Variants in SUGCT observed in about 807,000 individuals in gnomAD.
The protein encoded by SUGCT is succinyl-CoA:glutarate-CoA transferase.
SUGCT carries 41 observed loss-of-function variants against 55.0 expected under a neutral mutation model. That is an observed-to-expected ratio of 0.74 (90% confidence interval 0.58 to 0.97). The LOEUF is 0.97. Among genes scored for constraint, SUGCT ranks in the 50% least tolerant of loss-of-function variants. The pLI is 0.00. For synonymous variants in SUGCT, 187 were observed against 200.4 expected (o/e 0.93, Z 0.56); for missense variants, 568 against 547.8 (o/e 1.04, Z -0.37).
intron 9 of SUGCT, among the ~76,000 whole-genome samples, chr7:40,414,415 G>T (rs1786856517): frequency 6.6e-6 from 1 of 152,090 alleles, no homozygotes; most frequent in Non-Finnish European, 1.5e-5. Context: ...TATATATAGG[G>T]CTCAGTGCTG....
At chr7:40,416,810 T>A (rs150291618) in intron 9 of SUGCT, among the ~76,000 whole-genome samples, 1 of 152,128 alleles carries the variant, frequency 6.6e-6, no homozygotes, top group East Asian at 1.9e-4. Flanking sequence ...TTAACTATAG[T>A]CTGGAATAAT....
At chr7:40,907,104 TGTGTGTG>T in the SUGCT span, among the ~76,000 whole-genome samples, 532 of 113,582 alleles carry the variant, frequency 4.7e-3, no homozygotes, top group African/African-American at 8.3e-3. Context: ...ATAGTGTGTG[TGTGTGTG>T]TGTGTGTGTG....
chr7:40,803,423 T>C (rs1790923137), intron 13 of SUGCT, among the ~76,000 whole-genome samples: 1 of 152,188 alleles, frequency 6.6e-6, no homozygotes, highest in South Asian at 2.1e-4. Context: ...CCTAAAATCA[T>C]GTGAGCATGT....
chr7:40,570,126 G>A (rs955486355), intron 12 of SUGCT, among the ~76,000 whole-genome samples: 2 of 152,152 alleles, frequency 1.3e-5, no homozygotes, highest in East Asian at 3.8e-4. Flanking sequence ...AACTTTTTTA[G>A]TTACCTGAAG....
the SUGCT span, among the ~76,000 whole-genome samples, chr7:41,010,764 C>T: frequency 6.6e-6 from 1 of 151,956 alleles, no homozygotes; most frequent in Non-Finnish European, 1.5e-5. Context: ...CCATTTTGGA[C>T]CCATTAAATA....
At chr7:41,028,349 A>C in the SUGCT span, among the ~76,000 whole-genome samples, 1 of 152,244 alleles carries the variant, frequency 6.6e-6, no homozygotes, top group African/African-American at 2.4e-5. Context: ...TCTAACACTA[A>C]ATAATCCCTG....
intron 6 of SUGCT, among the ~76,000 whole-genome samples, chr7:40,234,288 T>C (rs1788886899): frequency 6.6e-6 from 1 of 152,186 alleles, no homozygotes. Flanking sequence ...TTCCTGCCGA[T>C]GGTGGCAGCT....
chr7:40,417,345 A>G (rs1180341645), intron 9 of SUGCT, among the ~76,000 whole-genome samples: 1 of 151,752 alleles, frequency 6.6e-6, no homozygotes, highest in Non-Finnish European at 1.5e-5. Context: ...CAGGGCATAC[A>G]TTTTTCTATA....
intron 6 of SUGCT, among the ~76,000 whole-genome samples, chr7:40,205,210 G>A (rs2150776366): frequency 6.6e-6 from 1 of 152,080 alleles, no homozygotes; most frequent in African/African-American, 2.4e-5. Flanking sequence ...AGCCGAGATT[G>A]CACCACTGCA....
chr7:40,279,766 A>G (rs1156498609), intron 8 of SUGCT, among the ~76,000 whole-genome samples: 1 of 152,156 alleles, frequency 6.6e-6, no homozygotes, highest in Non-Finnish European at 1.5e-5. Context: ...CCACAACATG[A>G]TTAAAACCTG....
chr7:40,984,774 TTTTG>T, the SUGCT span, among the ~76,000 whole-genome samples: 1 of 152,192 alleles, frequency 6.6e-6, no homozygotes, highest in African/African-American at 2.4e-5. Context: ...TGATGCTGTT[TTTTG>T]TTTGTTTGTT....
intron 7 of SUGCT, among the ~76,000 whole-genome samples, chr7:40,264,729 T>C (rs565907596): frequency 6.6e-6 from 1 of 152,302 alleles, no homozygotes; most frequent in Admixed American, 6.5e-5. Flanking sequence ...TTTATTTCAT[T>C]TTTTACTCTC....
chr7:40,620,977 A>G (rs1799238976), intron 12 of SUGCT, among the ~76,000 whole-genome samples: 3 of 152,196 alleles, frequency 2.0e-5, no homozygotes, highest in African/African-American at 7.2e-5. Flanking sequence ...GCAAACCACC[A>G]TGATAAACAG....
intron 13 of SUGCT, among the ~76,000 whole-genome samples, chr7:40,777,715 T>A (rs1368931505): frequency 6.6e-6 from 1 of 151,956 alleles, no homozygotes; most frequent in East Asian, 1.9e-4. Flanking sequence ...AATCTTTCCT[T>A]TGGGGGCCTT....
intron 12 of SUGCT, among the ~76,000 whole-genome samples, chr7:40,733,777 G>C: frequency 6.6e-6 from 1 of 152,152 alleles, no homozygotes; most frequent in South Asian, 2.1e-4. Flanking sequence ...CTAAGTAATC[G>C]GCACATTTAT....
At chr7:40,506,809 A>G (rs761735062) in intron 12 of SUGCT, among the ~76,000 whole-genome samples, 4 of 152,116 alleles carry the variant, frequency 2.6e-5, no homozygotes, top group Non-Finnish European at 4.4e-5. Context: ...GTTCAAATTT[A>G]TGGTTGAACC....
chr7:40,177,958 C>A (rs1371479905), intron 1 of SUGCT, among the ~76,000 whole-genome samples: 1 of 152,176 alleles, frequency 6.6e-6, no homozygotes, highest in Non-Finnish European at 1.5e-5. Context: ...CCATTATTGG[C>A]CAGGCTGGTT....
At chr7:40,863,558 G>T (rs73312300), downstream of SUGCT, among the ~76,000 whole-genome samples, 552 of 152,300 alleles carry the variant, frequency 3.6e-3, 6 homozygotes, top group African/African-American at 0.013. Context: ...AGACTATGCA[G>T]ATCTTCAGCC....
chr7:40,832,677 CTT>C (rs34767975), intron 13 of SUGCT, among the ~76,000 whole-genome samples: 29,865 of 141,032 alleles, frequency 0.21, 3,236 homozygotes, highest in East Asian at 0.51. Flanking sequence ...TCCACTCCTA[CTT>C]TTTTTTTTTT....
Sources: gnomAD v4.1 joint callset for allele counts (sites outside exome capture counted in the v4.1 genomes callset) on GRCh38, gnomAD v4.1.1 for gene constraint, MANE v1.5 for transcripts, NCBI Gene and HGNC (gene_info 2026-07-23, HGNC 2026-07-21) for gene names.